Variants in INSL6 observed in about 807,000 individuals in gnomAD.
The protein encoded by INSL6 is insulin-like peptide INSL6.
Under a neutral mutation model 9.4 loss-of-function variants are expected in INSL6, and 16 were observed. The observed-to-expected ratio is 1.70, with a 90% confidence interval of 1.15 to 2.59. INSL6 has a LOEUF of 2.59. INSL6 is among the 30% of genes most tolerant of loss of function. INSL6 has a pLI of 0.00. For missense variants in INSL6, 391 were observed against 257.3 expected (o/e 1.52, Z -3.56); for synonymous variants, 154 against 96.9 (o/e 1.59, Z -3.46).
At chr9:5,031,973 C>T in the INSL6 span, among the ~76,000 whole-genome samples, 15 of 152,348 alleles carry the variant, frequency 9.8e-5, no homozygotes, top group African/African-American at 3.4e-4. Context: ...TCGCCACACC[C>T]GGGAAGCGCA....
At chr9:5,021,649 C>T in the INSL6 span, among the ~76,000 whole-genome samples, 2 of 152,138 alleles carry the variant, frequency 1.3e-5, no homozygotes, top group Admixed American at 6.5e-5. Flanking sequence ...ATTTTTGAGA[C>T]AGGGTCTTGC....
At position 5,137,425 on chromosome 9, in the gene INSL6, T is replaced by G. The variant is rs1407525124; in HGVS notation, c.377-3833A>C. Among the ~76,000 whole-genome samples the G allele has an allele frequency of 3.3e-5, 5 of 152,132 alleles. No homozygotes were observed. In the East Asian group the frequency reaches 9.6e-4, roughly 29 times the overall value. On this transcript the variant is annotated intron_variant, in intron 2 of 3. Coordinates refer to the INSL6 transcript ENST00000649639. ...TGGTATTGGTATCAAAACAGATGTA[T>G]AGACTAATGGAACAGAACAGAGGCC...
the INSL6 span, among the ~76,000 whole-genome samples, chr9:5,102,363 A>AT: frequency 6.6e-6 from 1 of 152,192 alleles, no homozygotes; most frequent in African/African-American, 2.4e-5. Flanking sequence ...AAGCAACAAG[A>AT]TAAAGCCTAC....
chr9:5,185,578 G>C lies in INSL6; in HGVS notation c.25C>G (p.Leu9Val), dbSNP rs942662495. 18 of 1,613,596 alleles carry C rather than the reference G, an allele frequency of 1.1e-5. No homozygotes were observed. Among genetic ancestry groups the C allele is most frequent in the Non-Finnish European group, 1.1e-5 (13 of 1,179,980 alleles). MPRLLRLS[L>V]LWLGLLLVRF... ...ACCAGCAGGAGTCCAAGCCACAGCAGGGACAAGCGGAGGAGCCGCGGCATC... is the reference window on the plus strand; with the variant it reads ...ACCAGCAGGAGTCCAAGCCACAGCACGGACAAGCGGAGGAGCCGCGGCATC... Residue 9 changes from leucine to valine, a missense_variant, in exon 1 of 2, where the codon CTG becomes GTG. By Grantham distance (32) the Leu-to-Val change is conservative. Transcript: ENST00000381641.
the INSL6 span, chr9:5,090,845 C>T: frequency 6.2e-7 from 1 of 1,613,256 alleles, no homozygotes; most frequent in Non-Finnish European, 8.5e-7. Context: ...TTTGGGTTAA[C>T]CAAAGTCTTG....
At chr9:5,080,241 G>C in the INSL6 span, 13 of 1,611,474 alleles carry the variant, frequency 8.1e-6, no homozygotes, top group Non-Finnish European at 1.1e-5. Context: ...CTTCAGGAGA[G>C]AATACCATGG....
the INSL6 span, among the ~76,000 whole-genome samples, chr9:5,068,821 T>G: frequency 6.6e-6 from 1 of 152,334 alleles, no homozygotes; most frequent in Non-Finnish European, 1.5e-5. Flanking sequence ...AATCAACTTT[T>G]AAACCACTTT....
chr9:5,176,147 C>T (rs12340303), intron 1 of INSL6, among the ~76,000 whole-genome samples: 55,313 of 151,962 alleles, frequency 0.36, 11,031 homozygotes, highest in African/African-American at 0.55. Flanking sequence ...CTCTTTGCTA[C>T]TCCCTGTATA....
chr9:5,087,666 T>G, the INSL6 span, among the ~76,000 whole-genome samples: 2 of 152,240 alleles, frequency 1.3e-5, no homozygotes, highest in Non-Finnish European at 2.9e-5. Flanking sequence ...TGATCATTGT[T>G]GGCAGGGATG....
the INSL6 span, among the ~76,000 whole-genome samples, chr9:5,037,838 C>T: frequency 4.6e-3 from 703 of 152,114 alleles, 5 homozygotes; most frequent in African/African-American, 0.016. Flanking sequence ...CACATGTACC[C>T]TAAAACTTAA....
At chr9:5,052,040 A>T in the INSL6 span, among the ~76,000 whole-genome samples, 1 of 152,124 alleles carries the variant, frequency 6.6e-6, no homozygotes, top group Non-Finnish European at 1.5e-5. Context: ...ATAGTAGAAC[A>T]TAGTTGGAGG....
chr9:5,000,514 C>T, the INSL6 span, among the ~76,000 whole-genome samples: 1 of 152,236 alleles, frequency 6.6e-6, no homozygotes, highest in African/African-American at 2.4e-5. Context: ...TATATATAGT[C>T]ATTGTGTAGA....
At chr9:5,169,281 A>G (rs1419274140) in intron 1 of INSL6, among the ~76,000 whole-genome samples, 1 of 152,218 alleles carries the variant, frequency 6.6e-6, no homozygotes, top group Non-Finnish European at 1.5e-5. Flanking sequence ...ACTAAGCTTT[A>G]TAAGCAAAGA....
the INSL6 span, chr9:5,098,933 T>C: frequency 1.3e-5 from 2 of 152,076 alleles, no homozygotes; most frequent in Non-Finnish European, 2.9e-5. Flanking sequence ...TGACGTTGTG[T>C]TCCACCCACT....
the INSL6 span, among the ~76,000 whole-genome samples, chr9:5,059,455 G>A: frequency 1.3e-5 from 2 of 152,096 alleles, no homozygotes; most frequent in Admixed American, 1.3e-4. Context: ...AATTTTAAAT[G>A]TATTCTGTTG....
the INSL6 span, among the ~76,000 whole-genome samples, chr9:5,010,941 T>G: frequency 6.6e-6 from 1 of 152,216 alleles, no homozygotes; most frequent in African/African-American, 2.4e-5. Context: ...TTTCCCCCTC[T>G]CCCTACCAGT....
At chr9:5,136,817 G>T (rs1037952000) in intron 2 of INSL6, among the ~76,000 whole-genome samples, 3 of 152,212 alleles carry the variant, frequency 2.0e-5, no homozygotes, top group African/African-American at 4.8e-5. Flanking sequence ...ATTAGGAAAA[G>T]AGGAAGTCAA....
the INSL6 span, among the ~76,000 whole-genome samples, chr9:5,072,966 A>T: frequency 6.6e-6 from 1 of 152,166 alleles, no homozygotes; most frequent in Non-Finnish European, 1.5e-5. Context: ...AAAAAAAACA[A>T]AAAACCAAGT....
chr9:5,044,231 A>G, the INSL6 span, among the ~76,000 whole-genome samples: 1 of 152,344 alleles, frequency 6.6e-6, no homozygotes, highest in East Asian at 1.9e-4. Flanking sequence ...CTTTCTGCCT[A>G]TATTAGTGTT....
Sources: gnomAD v4.1 joint callset for allele counts (sites outside exome capture counted in the v4.1 genomes callset) on GRCh38, gnomAD v4.1.1 for gene constraint, MANE v1.5 for transcripts, NCBI Gene and HGNC (gene_info 2026-07-23, HGNC 2026-07-21) for gene names.